Variants in TUBGCP3 observed in about 807,000 individuals in gnomAD.
TUBGCP3 encodes gamma-tubulin complex component 3.
In TUBGCP3, 50 loss-of-function variants were observed where a neutral mutation model predicts 123.1. The ratio of observed to expected loss-of-function variants is 0.41; its 90% CI spans 0.32 to 0.51. The LOEUF is 0.51. TUBGCP3 is among the 20% of genes least tolerant of loss of function. The pLI, the probability that TUBGCP3 is intolerant of heterozygous loss-of-function variation, is 0.36. For synonymous variants in TUBGCP3, 405 were observed against 413.9 expected (o/e 0.98, Z 0.26); for missense variants, 882 against 1,127.0 (o/e 0.78, Z 3.11).
In TUBGCP3 at chr13:112,535,536, C is replaced by T. The variant is rs1244290819; in HGVS notation, c.1336-8052G>A. Among the ~76,000 whole-genome samples the T allele has an allele frequency of 4.6e-5, 7 of 152,236 alleles. No individual in the cohort carries two copies. In the South Asian group the frequency reaches 6.2e-4, roughly 14 times the overall value. On this transcript the variant is annotated intron_variant, in intron 11 of 21. Transcript: ENST00000261965. ...TTAATTGTAGTTTTGATTTGCATTT[C>T]GCTATAATAATAATCTTTTCCTGTG...
upstream of TUBGCP3, among the ~76,000 whole-genome samples, chr13:112,591,572 G>A (rs960355821): frequency 6.6e-6 from 1 of 152,252 alleles, no homozygotes; most frequent in African/African-American, 2.4e-5. Context: ...CGTTAGGTGT[G>A]TGGCCTTGCG....
intron 11 of TUBGCP3, among the ~76,000 whole-genome samples, chr13:112,538,301 T>G (rs1197159790): frequency 6.6e-6 from 1 of 152,226 alleles, no homozygotes; most frequent in Non-Finnish European, 1.5e-5. Flanking sequence ...ATGCAAGCAT[T>G]CCAAAATCCA....
the TUBGCP3 span, among the ~76,000 whole-genome samples, chr13:112,595,770 C>T: frequency 0.15 from 22,987 of 151,746 alleles, 2,024 homozygotes; most frequent in East Asian, 0.21. Flanking sequence ...TCTCTATCTT[C>T]TAGTTGGTAT....
Position 112,507,127 on chromosome 13 carries a change from T to C in TUBGCP3, c.2087-2413A>G, listed in dbSNP as rs1881358106. 3.3e-5 allele frequency among the ~76,000 whole-genome samples: 5 copies of C among 152,238 alleles called. No homozygotes were observed. In the South Asian group the frequency reaches 1.0e-3, roughly 32 times the overall value. ...AGTTTAGAAACCACTTGTGGAAGGT[T>C]TTTGTATTTTTATGTTAATATTATC... On this transcript the variant is annotated intron_variant, in intron 17 of 21. Transcript: ENST00000261965.
At position 112,489,578 on chromosome 13, in the gene TUBGCP3, C is replaced by G; in HGVS notation, c.2565+3G>C. The G allele has an allele frequency of 6.2e-7, 1 of 1,606,474 alleles. No individual in the cohort carries two copies. The highest frequency in any genetic ancestry group is 8.5e-7 in the Non-Finnish European group (1 of 1,172,926). On this transcript the variant is annotated splice_donor_region_variant and intron_variant, in intron 21 of 21. Coordinates refer to ENST00000261965, the MANE Select transcript of TUBGCP3 (RefSeq NM_006322.6). ...AAGAGCCACTCTGTATCCTCATACA[C>G]ACCTGGTAGAAATGGGTCAATATTC...
At chr13:112,493,440 G>T (rs1374976635) in intron 20 of TUBGCP3, among the ~76,000 whole-genome samples, 1 of 148,124 alleles carries the variant, frequency 6.8e-6, no homozygotes, top group East Asian at 2.0e-4. Flanking sequence ...TGGGAACATG[G>T]CCTGGTGTGC....
At position 112,519,687 on chromosome 13, in the gene TUBGCP3, C is replaced by A. The variant is rs1321701696; in HGVS notation, c.1881+199G>T. ...CGCTGCAAGATGGGCAAACGGAAAC[C>A]CAGATGGTGGAGAGGGAGCAGATGT... On this transcript the variant is annotated intron_variant, in intron 15 of 21. Coordinates refer to ENST00000261965, the MANE Select transcript of TUBGCP3 (RefSeq NM_006322.6). This position sits in a 1 kb window ranked among gnomAD's most constrained non-coding sequence, Gnocchi z 6.2. Among the ~76,000 whole-genome samples the A allele has an allele frequency of 6.6e-6, 1 of 152,212 alleles. No individual in the cohort carries two copies. The highest frequency in any genetic ancestry group is 1.9e-4 in the East Asian group (1 of 5,208).
chr13:112,531,771 C>T (rs888061939), intron 11 of TUBGCP3, among the ~76,000 whole-genome samples: 1 of 151,808 alleles, frequency 6.6e-6, no homozygotes, highest in Admixed American at 6.6e-5. Flanking sequence ...AGCTTGGGTA[C>T]GCTTTAGAAT....
intron 1 of TUBGCP3, among the ~76,000 whole-genome samples, chr13:112,572,928 G>C (rs935622135): frequency 5.9e-5 from 9 of 152,100 alleles, no homozygotes; most frequent in Non-Finnish European, 1.2e-4. Context: ...CGCAGTATCT[G>C]TAAAGGACAA....
chr13:112,557,518 G>A (rs1276825227), intron 5 of TUBGCP3, among the ~76,000 whole-genome samples: 5 of 152,216 alleles, frequency 3.3e-5, no homozygotes, highest in African/African-American at 7.2e-5. Context: ...TGCGATTTCC[G>A]GGAACCAACT....
At chr13:112,497,147 T>C (rs1039512197) in intron 20 of TUBGCP3, among the ~76,000 whole-genome samples, 2 of 152,152 alleles carry the variant, frequency 1.3e-5, no homozygotes, top group Admixed American at 6.5e-5. Flanking sequence ...TCATCACACA[T>C]AGATAAGTGA....
chr13:112,557,897 C>CT (rs1880174597), intron 5 of TUBGCP3, among the ~76,000 whole-genome samples: 1 of 152,248 alleles, frequency 6.6e-6, no homozygotes, highest in Non-Finnish European at 1.5e-5. Flanking sequence ...GTCAGAGAGC[C>CT]TCCAGATGAA....
Position 112,515,048 on chromosome 13 carries a change from T to G in TUBGCP3, c.2086+1392A>C, listed in dbSNP as rs118019263. Among the ~76,000 whole-genome samples, 73 of 152,296 alleles carry G rather than the reference T, an allele frequency of 4.8e-4. No individual in the cohort carries two copies. In the East Asian group the frequency reaches 0.013, roughly 28 times the overall value. On this transcript the variant is annotated intron_variant, in intron 17 of 21. Transcript: ENST00000261965. ...GCAGGATCCTAGCGATATAAATAAA[T>G]TTTATAAATAATAAAATATGCATTT...
chr13:112,596,950 G>A, the TUBGCP3 span, among the ~76,000 whole-genome samples: 8 of 152,094 alleles, frequency 5.3e-5, no homozygotes, highest in South Asian at 2.1e-4. Flanking sequence ...GGAACATAAC[G>A]CAGTGAAAAA....
chr13:112,554,645 T>C (rs762148068), intron 7 of TUBGCP3, among the ~76,000 whole-genome samples: 15 of 152,186 alleles, frequency 9.9e-5, no homozygotes, highest in Non-Finnish European at 2.1e-4. Flanking sequence ...AAATCAGCTA[T>C]GGGGCAGCCC....
At chr13:112,533,186 G>A (rs147655957) in intron 11 of TUBGCP3, among the ~76,000 whole-genome samples, 15 of 152,354 alleles carry the variant, frequency 9.8e-5, no homozygotes, top group Admixed American at 2.6e-4. Context: ...GGAGCCCAAC[G>A]CAAGGAAGTC....
intron 1 of TUBGCP3, among the ~76,000 whole-genome samples, chr13:112,571,413 G>C (rs1280145506): frequency 1.3e-5 from 2 of 152,162 alleles, no homozygotes; most frequent in Non-Finnish European, 2.9e-5. Context: ...GACCTTAATA[G>C]GAGGCTTAAA....
intron 1 of TUBGCP3, among the ~76,000 whole-genome samples, chr13:112,582,453 G>A (rs1594236460): frequency 6.6e-6 from 1 of 152,170 alleles, no homozygotes; most frequent in Non-Finnish European, 1.5e-5. Context: ...TCGTGAAGTA[G>A]ATGCTGAGGG....
the TUBGCP3 span, among the ~76,000 whole-genome samples, chr13:112,597,055 G>A: frequency 4.6e-5 from 7 of 152,222 alleles, no homozygotes; most frequent in African/African-American, 1.4e-4. Context: ...CCAATTTCCA[G>A]AAGAAATGGC....
Sources: allele counts gnomAD v4.1 joint callset (sites outside exome capture counted in the v4.1 genomes callset), GRCh38; gene constraint gnomAD v4.1.1; non-coding constraint Gnocchi (gnomAD v3.1); transcripts MANE v1.5; gene names NCBI Gene and HGNC (gene_info 2026-07-23, HGNC 2026-07-21).